The following PCM1 variants were observed in gnomAD, a reference collection of about 807,000 sequenced individuals.
PCM1 encodes the protein pericentriolar material 1.
A neutral mutation model predicts 241.9 loss-of-function variants in PCM1; 157 were observed. The observed-to-expected ratio is 0.65, with a 90% CI of 0.57 to 0.74. The LOEUF (loss-of-function observed/expected upper bound fraction) is 0.74, where lower values mean the gene tolerates loss of function less well. PCM1 is among the 30% of genes least tolerant of loss of function. The pLI is 0.00. For missense variants in PCM1, 3,478 were observed against 2,360.1 expected (o/e 1.47, Z -9.81); for synonymous variants, 1,085 against 784.9 (o/e 1.38, Z -6.39).
At chr8:17,952,924 T>C (rs1232091582) in intron 8 of PCM1, 46 bp from the exon 9 acceptor site, 1 of 1,145,380 alleles carries the variant, frequency 8.7e-7, no homozygotes, top group Non-Finnish European at 1.2e-6. Context: ...ATGCATTTAA[T>C]TGCGTTAGTC....
At chr8:17,924,033 A>G (rs2055788615) in intron 1 of PCM1, among the ~76,000 whole-genome samples, 1 of 149,640 alleles carries the variant, frequency 6.7e-6, no homozygotes, top group African/African-American at 2.5e-5. Flanking sequence ...TGAGGTCTGT[A>G]TTGTGTGTCT....
At chr8:17,923,953 C>T (rs968007787) in intron 1 of PCM1, among the ~76,000 whole-genome samples, 3 of 152,082 alleles carry the variant, frequency 2.0e-5, no homozygotes, top group African/African-American at 7.2e-5. Flanking sequence ...AACTTTGCAT[C>T]CCTCAGCCTA....
chr8:17,988,706 C>T (rs1409407673), intron 26 of PCM1, among the ~76,000 whole-genome samples: 1 of 151,928 alleles, frequency 6.6e-6, no homozygotes, highest in East Asian at 1.9e-4. Flanking sequence ...GAGATTTGAA[C>T]AGGCACTTAA....
At chr8:17,941,233 A>T (rs564800914) in intron 6 of PCM1, among the ~76,000 whole-genome samples, 2 of 152,296 alleles carry the variant, frequency 1.3e-5, no homozygotes, top group African/African-American at 4.8e-5. Flanking sequence ...GGTTAGGACG[A>T]TGTGGGTAAA....
rs149985203 is a variant in PCM1, at chr8:18,024,321, G to GC, written c.5842-1036dup. ...TTCTAGACTATGGTGAACTATGATT[G>GC]CCCCTGCTGCATTCCAGTCTGGGCA... On this transcript the variant is annotated intron_variant, in intron 36 of 38. Transcript: ENST00000325083. 7.9e-3 allele frequency among the ~76,000 whole-genome samples: 1,207 copies of GC among 152,216 alleles called. 15 individuals carry two copies. The highest frequency in any genetic ancestry group is 0.023 in the African/African-American group (973 of 41,524).
intron 6 of PCM1, among the ~76,000 whole-genome samples, chr8:17,941,262 A>G (rs1179758398): frequency 6.6e-6 from 1 of 152,148 alleles, no homozygotes; most frequent in Non-Finnish European, 1.5e-5. Flanking sequence ...GTTGGGGAGG[A>G]GTGGGAACTT....
At chr8:17,928,847 G>T (rs2058045816) in intron 2 of PCM1, among the ~76,000 whole-genome samples, 1 of 151,730 alleles carries the variant, frequency 6.6e-6, no homozygotes, top group South Asian at 2.1e-4. Flanking sequence ...GAACAGGCTG[G>T]TCTCAAACTC....
intron 10 of PCM1, 182 bp downstream of exon 10, chr8:17,955,835 G>T: frequency 1.7e-6 from 1 of 600,628 alleles, no homozygotes; most frequent in Non-Finnish European, 3.0e-6. Flanking sequence ...TCTAAGAGAT[G>T]TGATGTAACA....
intron 7 of PCM1, among the ~76,000 whole-genome samples, chr8:17,948,493 C>T (rs548187211): frequency 1.9e-4 from 29 of 151,710 alleles, no homozygotes; most frequent in South Asian, 1.0e-3. Context: ...TTAGTAGAGT[C>T]GGGGTTTCAC....
At position 18,028,933 on chromosome 8, in the gene PCM1, C is replaced by G. The variant is rs188524320; in HGVS notation, c.*1271C>G. On this transcript the variant is annotated 3_prime_UTR_variant, in exon 39 of 39. Coordinates refer to ENST00000325083, the MANE Select transcript of PCM1 (RefSeq NM_006197.4). Reference sequence around the variant, plus strand: ...TTGGGAGGCCGAGGCGGGCAGATCACGAGGTCAAGAGATTGAGACCATCCT... The same window carrying G: ...TTGGGAGGCCGAGGCGGGCAGATCAGGAGGTCAAGAGATTGAGACCATCCT... 661 of 180,078 alleles carry G rather than the reference C, an allele frequency of 3.7e-3. 8 individuals carry two copies. The highest frequency in any genetic ancestry group is 0.015 in the African/African-American group (617 of 42,458). The allele number at this position is 180,078 out of a possible 1,614,324, so 11.2% of individuals were successfully genotyped here. A position where few individuals can be genotyped will look rare whatever the true frequency, so the allele number is the denominator to read the frequency against.
At chr8:18,021,046 G>A (rs528662393) in intron 36 of PCM1, among the ~76,000 whole-genome samples, 2 of 152,284 alleles carry the variant, frequency 1.3e-5, no homozygotes, top group South Asian at 4.1e-4. Flanking sequence ...TATGCATTTT[G>A]AATGAACTCC....
intron 15 of PCM1, among the ~76,000 whole-genome samples, 168 bp from the exon 16 acceptor site, chr8:17,961,866 C>G (rs1044679147): frequency 1.3e-5 from 2 of 152,024 alleles, no homozygotes; most frequent in Non-Finnish European, 2.9e-5. Flanking sequence ...GTGTTTTCAT[C>G]TTTGTTTTCT....
At chr8:17,967,698 A>C (rs1738159615) in intron 21 of PCM1, among the ~76,000 whole-genome samples, 1 of 152,252 alleles carries the variant, frequency 6.6e-6, no homozygotes, top group Non-Finnish European at 1.5e-5. Flanking sequence ...ACTATTTATT[A>C]AGAGGAAAGA....
intron 26 of PCM1, among the ~76,000 whole-genome samples, chr8:17,987,163 T>C (rs2082879439): frequency 6.6e-6 from 1 of 151,922 alleles, no homozygotes; most frequent in African/African-American, 2.4e-5. Flanking sequence ...ATGTGAAATG[T>C]AAATTAGTGT....
intron 29 of PCM1, among the ~76,000 whole-genome samples, chr8:18,000,471 GA>G (rs1195837472): frequency 1.3e-5 from 2 of 152,104 alleles, no homozygotes; most frequent in Non-Finnish European, 2.9e-5. Flanking sequence ...TGGTGATAAA[GA>G]AATACGTAAT....
chr8:18,015,359 T>G (rs2093033053), intron 36 of PCM1, among the ~76,000 whole-genome samples: 1 of 152,046 alleles, frequency 6.6e-6, no homozygotes, highest in African/African-American at 2.4e-5. Context: ...AGCAAAAACC[T>G]TTAAAGTAAT....
At chr8:17,957,118 C>T (rs769714734) in intron 11 of PCM1, 146 bp from the exon 12 acceptor site, 2 of 618,292 alleles carry the variant, frequency 3.2e-6, no homozygotes, top group Non-Finnish European at 2.7e-6. Context: ...TAATGAAAAG[C>T]AGGAGTCGAT....
Position 17,924,719 on chromosome 8 carries a change from G to A in PCM1, c.-84G>A, listed in dbSNP as rs1281307423. The A allele has an allele frequency of 6.6e-6, 1 of 152,176 alleles. No homozygotes were observed. The highest frequency in any genetic ancestry group is 1.5e-5 in the Non-Finnish European group (1 of 68,032). The allele number at this position is 152,176 out of a possible 1,614,324, so 9.4% of individuals were successfully genotyped here. On this transcript the variant is annotated 5_prime_UTR_variant, in exon 2 of 39. Transcript: ENST00000325083. Reference sequence around the variant, plus strand: ...TATTTTTAATCCTAATTAGGAAACAGCTTTGAAGTGTGGAGCGGGAAAGGA... The same window carrying A: ...TATTTTTAATCCTAATTAGGAAACAACTTTGAAGTGTGGAGCGGGAAAGGA...
chr8:17,925,711 C>G (rs1010408631), intron 2 of PCM1: 1 of 152,356 alleles, frequency 6.6e-6, no homozygotes, highest in East Asian at 1.9e-4. Context: ...GTGGCGGGCA[C>G]CTGTAGTCCC....
Sources: allele counts gnomAD v4.1 joint callset (sites outside exome capture counted in the v4.1 genomes callset), GRCh38; gene constraint gnomAD v4.1.1; transcripts MANE v1.5; gene names NCBI Gene and HGNC (gene_info 2026-07-23, HGNC 2026-07-21).